The following HHIPL1 variants were observed in gnomAD, a reference collection of about 807,000 sequenced individuals.
HHIPL1 encodes HHIP-like protein 1.
A neutral mutation model predicts 61.8 loss-of-function variants in HHIPL1; 43 were observed. The observed-to-expected ratio is 0.70, with a 90% CI of 0.55 to 0.90. HHIPL1 has a LOEUF of 0.90. Ranked by LOEUF, HHIPL1 falls within the 40% of genes least tolerant of loss-of-function variation. The pLI is 0.00. For synonymous variants in HHIPL1, 482 were observed against 515.8 expected (o/e 0.93, Z 0.89); for missense variants, 1,056 against 1,157.7 (o/e 0.91, Z 1.28).
chr14:99,650,875 T>C (rs1300151097), intron 1 of HHIPL1, among the ~76,000 whole-genome samples: 1 of 152,232 alleles, frequency 6.6e-6, no homozygotes, highest in African/African-American at 2.4e-5. Flanking sequence ...AGGGCATGCC[T>C]GCAAAGGGAA....
At chr14:99,673,190 A>C (rs2056344261) in intron 8 of HHIPL1, among the ~76,000 whole-genome samples, 1 of 151,938 alleles carries the variant, frequency 6.6e-6, no homozygotes, top group Non-Finnish European at 1.5e-5. Flanking sequence ...GAAGAGAGGG[A>C]GGCTAGGCAC....
the HHIPL1 span, among the ~76,000 whole-genome samples, chr14:99,622,037 A>C: frequency 6.6e-6 from 1 of 151,820 alleles, no homozygotes; most frequent in Non-Finnish European, 1.5e-5. Context: ...TTTAAACACA[A>C]TTCAGGAGGC....
In HHIPL1 at chr14:99,679,868, A is replaced by G. The variant is rs1443070307; in HGVS notation, c.*4242A>G. ...AATGACATGGGAAGAAACTCTCACAATAGCAGAAGAAAGAGCTCCTTCAGC... is the reference window on the plus strand; with the variant it reads ...AATGACATGGGAAGAAACTCTCACAGTAGCAGAAGAAAGAGCTCCTTCAGC... On this transcript the variant is annotated 3_prime_UTR_variant, in exon 9 of 9. Coordinates refer to ENST00000330710, the MANE Select transcript of HHIPL1 (RefSeq NM_001127258.3). 2.0e-5 allele frequency: 3 copies of G among 152,248 alleles called. No individual in the cohort carries two copies. The highest frequency in any genetic ancestry group is 2.0e-4 in the Admixed American group (3 of 15,288). The allele number at this position is 152,248 out of a possible 1,614,324, so 9.4% of individuals were successfully genotyped here.
Position 99,662,946 on chromosome 14 carries a change from G to C in HHIPL1, c.1573G>C (p.Gly525Arg), listed in dbSNP as rs142621182. Residue 525 changes from glycine (G) to arginine (R), a missense_variant, in exon 6 of 9, where the codon GGC (glycine) becomes CGC (arginine). Coordinates refer to ENST00000330710, the MANE Select transcript of HHIPL1 (RefSeq NM_001127258.3). ...WQYSEICMGH[G>R]QTCEFPGLIN... Reference sequence around the variant, plus strand: ...GTACAGTGAGATCTGCATGGGCCACGGCCAGACCTGTGAGTTCCCAGGCCT... The same window carrying C: ...GTACAGTGAGATCTGCATGGGCCACCGCCAGACCTGTGAGTTCCCAGGCCT... The C allele has an allele frequency of 8.7e-5, 140 of 1,613,852 alleles. No individual in the cohort carries two copies. The highest frequency in any genetic ancestry group is 1.1e-4 in the Non-Finnish European group (132 of 1,179,950).
the HHIPL1 span, among the ~76,000 whole-genome samples, chr14:99,631,146 CT>C: frequency 6.9e-6 from 1 of 144,010 alleles, no homozygotes; most frequent in East Asian, 2.0e-4. Flanking sequence ...TTGACAGAGT[CT>C]TGCTGTGTCA....
upstream of HHIPL1, chr14:99,645,025 C>T (rs2055804699): frequency 4.4e-6 from 2 of 456,674 alleles, no homozygotes; most frequent in East Asian, 7.4e-5. Flanking sequence ...TGCGCCGCGT[C>T]CCTCTTCCTT....
Position 99,660,466 on chromosome 14 carries a change from C to T in HHIPL1, c.1502+60C>T, listed in dbSNP as rs2056134421. On this transcript the variant is annotated intron_variant, in intron 5 of 8. Coordinates refer to ENST00000330710, the MANE Select transcript of HHIPL1 (RefSeq NM_001127258.3). This position sits in a 1 kb window ranked among gnomAD's most constrained non-coding sequence, Gnocchi z 4.9. ...TGCCACTGGCTCCTTGGGACTGGCT[C>T]CTTGGTAAAGGGGAGTGTATGTGTG... is the stretch of plus-strand genomic sequence containing the variant. 11 of 1,569,812 alleles carry T rather than the reference C, an allele frequency of 7.0e-6. No homozygotes were observed. The highest frequency in any genetic ancestry group is 8.7e-6 in the Non-Finnish European group (10 of 1,152,540).
chr14:99,669,805 G>A (rs1236666525), intron 7 of HHIPL1, among the ~76,000 whole-genome samples: 1 of 152,148 alleles, frequency 6.6e-6, no homozygotes, highest in Non-Finnish European at 1.5e-5. Flanking sequence ...CACATCTATA[G>A]TCCCAGCTAC....
chr14:99,624,989 G>GGT, the HHIPL1 span: 1 of 152,254 alleles, frequency 6.6e-6, no homozygotes, highest in Non-Finnish European at 1.5e-5. Flanking sequence ...TGCCGAGCGA[G>GGT]GTGGGTAAGC....
upstream of HHIPL1, among the ~76,000 whole-genome samples, chr14:99,644,729 G>A (rs1179805057): frequency 1.3e-5 from 2 of 152,188 alleles, no homozygotes; most frequent in East Asian, 1.9e-4. Context: ...CTCCCTGAGA[G>A]TCCTGGGGCA....
chr14:99,645,556 G>GGGC, intron 1 of HHIPL1, 94 bp downstream of exon 1: 1 of 1,196,292 alleles, frequency 8.4e-7, no homozygotes, highest in Non-Finnish European at 1.0e-6. Flanking sequence ...GGCCAAGAGT[G>GGGC]GGCGGCGGAC....
In HHIPL1 at chr14:99,675,686, G is replaced by A. The variant is rs1595174111; in HGVS notation, c.*60G>A. 67 of 1,424,274 alleles carry A rather than the reference G, an allele frequency of 4.7e-5. No homozygotes were observed. In the South Asian group the frequency reaches 6.5e-4, roughly 14 times the overall value. The allele number at this position is 1,424,274 out of a possible 1,614,324, so 88.2% of individuals were successfully genotyped here. A position where few individuals can be genotyped will look rare whatever the true frequency, so the allele number is the denominator to read the frequency against. On this transcript the variant is annotated 3_prime_UTR_variant, in exon 9 of 9. Transcript: ENST00000330710. The surrounding 1 kb of genome is among the most constrained non-coding windows in gnomAD (Gnocchi z 5.4). ...GGGGGAGCCTGGCAGGGGCCGCTCCGCCCTGTGTGCGCCCAGCGGGTGCAC... is the reference window on the plus strand; with the variant it reads ...GGGGGAGCCTGGCAGGGGCCGCTCCACCCTGTGTGCGCCCAGCGGGTGCAC...
chr14:99,615,909 C>G, the HHIPL1 span, among the ~76,000 whole-genome samples: 1 of 152,040 alleles, frequency 6.6e-6, no homozygotes, highest in Admixed American at 6.6e-5. Context: ...AGAGCTCTGT[C>G]GGAGTTTGGT....
At chr14:99,672,537 T>A in intron 8 of HHIPL1, 138 bp downstream of exon 8, 1 of 687,202 alleles carries the variant, frequency 1.5e-6, no homozygotes, top group Non-Finnish European at 2.6e-6. Flanking sequence ...GCACTGTGCC[T>A]GGCACACATT....
At chr14:99,608,002 C>T in the HHIPL1 span, among the ~76,000 whole-genome samples, 41 of 152,278 alleles carry the variant, frequency 2.7e-4, no homozygotes, top group African/African-American at 9.6e-4. Flanking sequence ...GGAGCATGCT[C>T]AGGCACTGGG....
At chr14:99,657,351 C>A (rs920276222) in intron 3 of HHIPL1, among the ~76,000 whole-genome samples, 1 of 152,208 alleles carries the variant, frequency 6.6e-6, no homozygotes, top group African/African-American at 2.4e-5. Flanking sequence ...ACTCTGCAGG[C>A]AGCTTGTCAC....
At chr14:99,636,642 G>A in the HHIPL1 span, among the ~76,000 whole-genome samples, 1 of 151,996 alleles carries the variant, frequency 6.6e-6, no homozygotes, top group South Asian at 2.1e-4. Context: ...CTTTAGTGTA[G>A]ACGAATCTCC....
chr14:99,627,496 G>T, the HHIPL1 span, among the ~76,000 whole-genome samples: 1 of 152,208 alleles, frequency 6.6e-6, no homozygotes, highest in Non-Finnish European at 1.5e-5. This position sits in a 1 kb window ranked among gnomAD's most constrained non-coding sequence, Gnocchi z 4.4. Flanking sequence ...GCCCCTAGTG[G>T]TGCCACATTC....
chr14:99,625,985 A>G, the HHIPL1 span, among the ~76,000 whole-genome samples: 1 of 152,144 alleles, frequency 6.6e-6, no homozygotes, highest in Admixed American at 6.5e-5. Flanking sequence ...GAAGTGAGCT[A>G]GCCCTGTGTC....
Sources: allele counts gnomAD v4.1 joint callset (sites outside exome capture counted in the v4.1 genomes callset), GRCh38; gene constraint gnomAD v4.1.1; non-coding constraint Gnocchi (gnomAD v3.1); transcripts MANE v1.5; gene names NCBI Gene and HGNC (gene_info 2026-07-23, HGNC 2026-07-21).